Variants in IRAK4 observed in about 807,000 individuals in gnomAD.
The protein encoded by IRAK4 is interleukin 1 receptor associated kinase 4.
A neutral mutation model predicts 51.8 loss-of-function variants in IRAK4; 44 were observed. That is an observed-to-expected ratio of 0.85 (90% confidence interval 0.67 to 1.09). The LOEUF (loss-of-function observed/expected upper bound fraction) is 1.09. IRAK4 is among the 50% of genes least tolerant of loss of function. The probability of loss-of-function intolerance (pLI) is 0.00; values close to 1 mark genes in which losing one functional copy is unlikely to be tolerated. For missense variants in IRAK4, 487 were observed against 538.0 expected, an observed-to-expected ratio of 0.91 and a Z score of 0.94; for synonymous variants, 149 against 174.1, an observed-to-expected ratio of 0.86 and a Z score of 1.13.
At position 43,777,831 on chromosome 12, in the gene IRAK4, A is replaced by C. The variant is rs1365348648; in HGVS notation, c.831+87A>C. 22 of 1,113,060 alleles carry C rather than the reference A, an allele frequency of 2.0e-5. No homozygotes were observed. In the Admixed American group the frequency reaches 3.5e-4, roughly 18 times the overall value. 68.9% of individuals were successfully genotyped at this position (1,113,060 alleles called of 1,614,324 possible). A position where few individuals can be genotyped will look rare whatever the true frequency, so the allele number is the denominator to read the frequency against. The stretch of plus-strand genomic sequence containing the variant: ...ATTTTGTTACTGGATTATTTAAACC[A>C]AATTCACTTTCATATTTTTCCTGCT... On this transcript the variant is annotated intron_variant, in intron 7 of 11. Coordinates refer to ENST00000613694, the MANE Select transcript of IRAK4 (RefSeq NM_016123.4).
chr12:43,777,556 T>C, intron 6 of IRAK4, 74 bp from the exon 7 acceptor site: 1 of 1,375,820 alleles, frequency 7.3e-7, no homozygotes, highest in Non-Finnish European at 9.7e-7. Flanking sequence ...CTATTAAAAC[T>C]TTGAATAACT....
Position 43,788,953 on chromosome 12 carries a change from T to C in IRAK4, c.*2238T>C, listed in dbSNP as rs932033974. ...CAACTGTATCTTGGAAATAAATAAC[T>C]TATATTTTATTTCAGAGGCTCATAG... On this transcript the variant is annotated 3_prime_UTR_variant, in exon 12 of 12. Coordinates refer to ENST00000613694, the MANE Select transcript of IRAK4 (RefSeq NM_016123.4). 6 of 152,150 alleles carry C rather than the reference T, an allele frequency of 3.9e-5. No homozygotes were observed. In the East Asian group the frequency reaches 9.6e-4, roughly 24 times the overall value. The allele number at this position is 152,150 out of a possible 1,614,324, so 9.4% of individuals were successfully genotyped here.
chr12:43,773,850 A>G, intron 5 of IRAK4, 115 bp from the exon 6 acceptor site: 2 of 710,956 alleles, frequency 2.8e-6, no homozygotes, highest in East Asian at 5.4e-5. Flanking sequence ...GAATTGGGAG[A>G]ATAATACACT....
At chr12:43,771,839 T>C (rs1237146226) in intron 3 of IRAK4, among the ~76,000 whole-genome samples, 1 of 152,212 alleles carries the variant, frequency 6.6e-6, no homozygotes, top group African/African-American at 2.4e-5. Context: ...TAAGAATCAC[T>C]TAGGTTCTGG....
chr12:43,774,469 G>A (rs1025263624), intron 6 of IRAK4, among the ~76,000 whole-genome samples: 5 of 151,952 alleles, frequency 3.3e-5, no homozygotes, highest in South Asian at 2.1e-4. Context: ...GGATAGTCTC[G>A]ATCTCCTGAC....
rs1327975793 is a variant in IRAK4, at chr12:43,782,367, G to A, written c.1002G>A (p.Arg334=). 1.2e-6 allele frequency: 2 copies of A among 1,613,654 alleles called. No individual in the cohort carries two copies. The highest frequency in any genetic ancestry group is 2.2e-5 in the South Asian group (2 of 91,062). ...TAKISDFGLA[R]ASEKFAQTVM... ...AAATATCTGACTTTGGCCTTGCACG[G>A]GCTTCTGAGAAGTTTGCCCAGACAG... The change falls in exon 9 of 12, where the codon CGG becomes CGA. Residue 334 remains arginine, a synonymous_variant. Transcript: ENST00000613694.
chr12:43,761,663 C>A (rs2137836103), intron 1 of IRAK4, among the ~76,000 whole-genome samples: 1 of 152,316 alleles, frequency 6.6e-6, no homozygotes, highest in South Asian at 2.1e-4. Flanking sequence ...CCTCAAAGTT[C>A]ATCTTCCCTC....
chr12:43,772,339 A>C lies in IRAK4; in HGVS notation c.467A>C (p.Lys156Thr). ...MPPDSSSPENKSLEVSDTRFH... is the reference protein window; with the variant it reads ...MPPDSSSPENTSLEVSDTRFH... The stretch of plus-strand genomic sequence containing the variant: ...CCTGACTCCTCAAGTCCAGAAAATA[A>C]AAGTTTAGAAGTTAGTGATACACGT... The change falls in exon 4 of 12, where the codon AAA becomes ACA. Residue 156 changes from lysine (K) to threonine (T), a missense_variant. Coordinates refer to ENST00000613694, the MANE Select transcript of IRAK4 (RefSeq NM_016123.4). 1 of 1,613,100 alleles carries C rather than the reference A, an allele frequency of 6.2e-7. No individual in the cohort carries two copies. The highest frequency in any genetic ancestry group is 2.2e-5 in the East Asian group (1 of 44,866).
At chr12:43,769,641 GA>G (rs1005052882) in intron 2 of IRAK4, among the ~76,000 whole-genome samples, 1 of 152,140 alleles carries the variant, frequency 6.6e-6, no homozygotes, top group African/African-American at 2.4e-5. Flanking sequence ...GACAGAGCAA[GA>G]CCCCCTCAAT....
At chr12:43,765,475 A>T (rs922270864) in intron 1 of IRAK4, among the ~76,000 whole-genome samples, 4 of 152,026 alleles carry the variant, frequency 2.6e-5, no homozygotes, top group African/African-American at 4.8e-5. Flanking sequence ...CTCCACCATA[A>T]ATGTGGTGTT....
intron 6 of IRAK4, among the ~76,000 whole-genome samples, chr12:43,775,789 C>A (rs188089789): frequency 6.3e-4 from 95 of 150,734 alleles, no homozygotes; most frequent in African/African-American, 2.2e-3. Context: ...AATACACATT[C>A]AAATGGCTTT....
chr12:43,776,370 C>T (rs924377593), intron 6 of IRAK4, among the ~76,000 whole-genome samples: 2 of 152,102 alleles, frequency 1.3e-5, no homozygotes, highest in African/African-American at 4.8e-5. Context: ...ATTCAGCAAA[C>T]GTTAACTACT....
At chr12:43,785,636 A>ATT (rs1555171308) in intron 10 of IRAK4, among the ~76,000 whole-genome samples, 1 of 125,990 alleles carries the variant, frequency 7.9e-6, no homozygotes, top group Non-Finnish European at 1.6e-5. Context: ...ATATATATAT[A>ATT]TTTATATATA....
At position 43,770,947 on chromosome 12, in the gene IRAK4, C is replaced by T. The variant is rs551576591; in HGVS notation, c.162-273C>T. On this transcript the variant is annotated intron_variant, in intron 2 of 11. Transcript: ENST00000613694. ...GTTTCTGATAAAAGGATAAGTTAGG[C>T]CCTATTTTTCTTTTTCTCTCTCTCT... is the stretch of plus-strand genomic sequence containing the variant. The T allele has an allele frequency of 8.2e-6, 5 of 610,626 alleles. No homozygotes were observed. In the East Asian group the frequency reaches 1.7e-4, roughly 20 times the overall value. The allele number at this position is 610,626 out of a possible 1,614,324, so 37.8% of individuals were successfully genotyped here.
chr12:43,778,622 T>C (rs1941507101), intron 8 of IRAK4, among the ~76,000 whole-genome samples: 1 of 152,186 alleles, frequency 6.6e-6, no homozygotes, highest in Non-Finnish European at 1.5e-5. Context: ...ATCACCTTCA[T>C]CCTCCATGAG....
intron 6 of IRAK4, among the ~76,000 whole-genome samples, chr12:43,774,862 G>A (rs973832690): frequency 6.6e-6 from 1 of 152,220 alleles, no homozygotes; most frequent in African/African-American, 2.4e-5. Flanking sequence ...ATTTGAGTGT[G>A]TGCAACATGC....
At chr12:43,765,419 T>A (rs1345153149) in intron 1 of IRAK4, among the ~76,000 whole-genome samples, 4 of 152,174 alleles carry the variant, frequency 2.6e-5, no homozygotes, top group Non-Finnish European at 4.4e-5. Context: ...GGGGGCATTG[T>A]CCCCATAAAT....
At chr12:43,766,377 A>G (rs1016567360) in intron 1 of IRAK4, among the ~76,000 whole-genome samples, 3 of 151,726 alleles carry the variant, frequency 2.0e-5, no homozygotes, top group African/African-American at 7.3e-5. Flanking sequence ...CTCCAACCAA[A>G]TCTGTCTTGA....
Position 43,783,700 on chromosome 12 carries a change from T to C in IRAK4, c.1164T>C (p.Asp388=), listed in dbSNP as rs1290341148. 1 of 1,608,076 alleles carries C rather than the reference T, an allele frequency of 6.2e-7. No homozygotes were observed. Among genetic ancestry groups the C allele is most frequent in the East Asian group, 2.2e-5 (1 of 44,856 alleles). ...TAATAACTGGACTTCCAGCTGTGGA[T>C]GAACACCGTGAACCTCAGTTATTGG... ...LEIITGLPAV[D]EHREPQLLLD... is the part of the protein sequence containing the mutation. The change falls in exon 10 of 12, where the codon GAT becomes GAC. Residue 388 remains aspartate (D), a synonymous_variant. Transcript: ENST00000613694.
Sources: gnomAD v4.1 joint callset for allele counts (sites outside exome capture counted in the v4.1 genomes callset) on GRCh38, gnomAD v4.1.1 for gene constraint, MANE v1.5 for transcripts, NCBI Gene and HGNC (gene_info 2026-07-23, HGNC 2026-07-21) for gene names.